The following CTNNA2 variants were observed in gnomAD, a reference collection of about 807,000 sequenced individuals.
CTNNA2 encodes catenin alpha-2.
A neutral mutation model predicts 101.0 loss-of-function variants in CTNNA2; 42 were observed. The observed-to-expected ratio is 0.42, with a 90% CI of 0.32 to 0.54. CTNNA2 has a LOEUF of 0.54. Ranked by LOEUF, CTNNA2 falls within the 20% of genes least tolerant of loss-of-function variation. CTNNA2 has a pLI of 0.14. For synonymous variants in CTNNA2, 450 were observed against 456.4 expected (o/e 0.99, Z 0.18); for missense variants, 871 against 1,223.1 (o/e 0.71, Z 4.29).
At chr2:79,200,709 A>G (rs1674022865) in intron 2 of CTNNA2, among the ~76,000 whole-genome samples, 1 of 152,204 alleles carries the variant, frequency 6.6e-6, no homozygotes, top group Non-Finnish European at 1.5e-5. Context: ...AGGTCCCAGG[A>G]GAAAACAAAA....
At chr2:80,609,013 G>GT (rs1156494412) in intron 17 of CTNNA2, among the ~76,000 whole-genome samples, 2 of 151,864 alleles carry the variant, frequency 1.3e-5, no homozygotes, top group African/African-American at 4.8e-5. Context: ...CCAAATATGT[G>GT]TTGAGGTTCT....
intron 7 of CTNNA2, among the ~76,000 whole-genome samples, chr2:79,943,636 C>T (rs1378669296): frequency 2.6e-5 from 4 of 152,200 alleles, no homozygotes; most frequent in Admixed American, 1.3e-4. Context: ...GTAACTTCCT[C>T]TCTGCTCATT....
chr2:80,507,511 G>A (rs928424089), intron 9 of CTNNA2, among the ~76,000 whole-genome samples: 3 of 152,084 alleles, frequency 2.0e-5, no homozygotes, highest in Non-Finnish European at 4.4e-5. Context: ...TTTTATATTT[G>A]TGTAATACCT....
intron 7 of CTNNA2, among the ~76,000 whole-genome samples, chr2:80,164,404 GAA>G (rs1316449826): frequency 6.6e-6 from 1 of 152,024 alleles, no homozygotes; most frequent in East Asian, 1.9e-4. Context: ...CAATTCTAGT[GAA>G]GTTTAGAAAT....
chr2:80,202,530 G>A lies in CTNNA2; in HGVS notation c.1057-190681G>A, dbSNP rs577006111. On this transcript the variant is annotated intron_variant, in intron 7 of 18. Coordinates refer to ENST00000402739, the MANE Select transcript of CTNNA2 (RefSeq NM_001282597.3). The stretch of plus-strand genomic sequence containing the variant: ...AATCCAGAATTCATTTGCATTAATA[G>A]CAAACCTTGATAATCAGTGATATTG... 2.6e-5 allele frequency among the ~76,000 whole-genome samples: 4 copies of A among 152,200 alleles called. No homozygotes were observed. In the South Asian group the frequency reaches 8.3e-4, roughly 32 times the overall value.
At chr2:80,306,711 TGAG>T (rs1677059036) in intron 7 of CTNNA2, among the ~76,000 whole-genome samples, 2 of 151,384 alleles carry the variant, frequency 1.3e-5, no homozygotes, top group African/African-American at 4.9e-5. Context: ...GGAGGGGTGT[TGAG>T]GAGGCACCCG....
chr2:79,206,750 G>A (rs754394607), intron 2 of CTNNA2, among the ~76,000 whole-genome samples: 3 of 152,294 alleles, frequency 2.0e-5, no homozygotes, highest in Non-Finnish European at 4.4e-5. Context: ...GAGTGAGGAA[G>A]ATATGGTACC....
intron 7 of CTNNA2, among the ~76,000 whole-genome samples, chr2:80,094,551 T>C (rs1468437246): frequency 6.6e-6 from 1 of 152,194 alleles, no homozygotes; most frequent in Non-Finnish European, 1.5e-5. Context: ...AGCAAGTCAT[T>C]GGTAGCTTGA....
chr2:80,128,617 A>G (rs779288458), intron 7 of CTNNA2, among the ~76,000 whole-genome samples: 13 of 152,208 alleles, frequency 8.5e-5, no homozygotes, highest in Non-Finnish European at 1.3e-4. Context: ...AACAGTGCCA[A>G]TTAAACCCAC....
At chr2:80,429,555 A>C (rs1435835261) in intron 9 of CTNNA2, among the ~76,000 whole-genome samples, 1 of 152,214 alleles carries the variant, frequency 6.6e-6, no homozygotes, top group Non-Finnish European at 1.5e-5. Flanking sequence ...TCCCCAAAGT[A>C]ATTGTTTAAA....
At chr2:79,956,986 A>G (rs1689284182) in intron 7 of CTNNA2, among the ~76,000 whole-genome samples, 1 of 151,996 alleles carries the variant, frequency 6.6e-6, no homozygotes, top group African/African-American at 2.4e-5. Context: ...GGAGAAAAGT[A>G]ACAAAATCTC....
intron 4 of CTNNA2, among the ~76,000 whole-genome samples, chr2:79,861,909 A>G (rs1309350062): frequency 6.6e-6 from 1 of 152,208 alleles, no homozygotes; most frequent in Non-Finnish European, 1.5e-5. Context: ...TTGCTGACAA[A>G]TGATTTCCTA....
chr2:79,946,706 C>A (rs902656607), intron 7 of CTNNA2, among the ~76,000 whole-genome samples: 2 of 152,140 alleles, frequency 1.3e-5, no homozygotes, highest in Non-Finnish European at 2.9e-5. Context: ...TCTGAGCCCC[C>A]ACAGTGGGCT....
chr2:80,175,331 A>G (rs1028175257), intron 7 of CTNNA2, among the ~76,000 whole-genome samples: 1 of 152,114 alleles, frequency 6.6e-6, no homozygotes, highest in Non-Finnish European at 1.5e-5. Flanking sequence ...TTTTTCATTA[A>G]TTGTTTGGTC....
intron 4 of CTNNA2, among the ~76,000 whole-genome samples, chr2:79,421,071 T>C (rs1678535184): frequency 6.6e-6 from 1 of 152,210 alleles, no homozygotes; most frequent in African/African-American, 2.4e-5. Flanking sequence ...TTTAAGGCTA[T>C]GCCATCCCTT....
intron 7 of CTNNA2, among the ~76,000 whole-genome samples, chr2:80,204,179 TG>T (rs1212368160): frequency 6.6e-6 from 1 of 152,214 alleles, no homozygotes; most frequent in Admixed American, 6.5e-5. Flanking sequence ...TAACATGCCC[TG>T]GAGATATTTT....
intron 6 of CTNNA2, among the ~76,000 whole-genome samples, chr2:79,892,623 GGAAA>G (rs899882801): frequency 2.4e-4 from 36 of 152,062 alleles, no homozygotes; most frequent in Non-Finnish European, 2.8e-4. Flanking sequence ...CCCCAGTAGG[GGAAA>G]GAAAGAGAAA....
intron 7 of CTNNA2, among the ~76,000 whole-genome samples, chr2:79,999,760 C>T (rs1012423236): frequency 9.9e-5 from 15 of 152,102 alleles, no homozygotes; most frequent in East Asian, 1.9e-4. Context: ...AATCAAAGCC[C>T]GTGCTCTGTT....
intron 2 of CTNNA2, among the ~76,000 whole-genome samples, chr2:79,719,508 C>T (rs1306322208): frequency 6.6e-6 from 1 of 152,126 alleles, no homozygotes; most frequent in Non-Finnish European, 1.5e-5. Context: ...ATTGATATTC[C>T]CACCAACAGT....
Sources: allele counts gnomAD v4.1 joint callset (sites outside exome capture counted in the v4.1 genomes callset), GRCh38; gene constraint gnomAD v4.1.1; transcripts MANE v1.5; gene names NCBI Gene and HGNC (gene_info 2026-07-23, HGNC 2026-07-21).